The following ADGRL2 variants were observed in gnomAD, a reference collection of about 807,000 sequenced individuals.
The protein encoded by ADGRL2 is calcium-independent alpha-latrotoxin receptor 2.
In ADGRL2, 44 loss-of-function variants were observed where a neutral mutation model predicts 157.4. That is an observed-to-expected ratio of 0.28 (90% CI 0.22 to 0.36). The LOEUF (loss-of-function observed/expected upper bound fraction) is 0.36. ADGRL2 is among the 10% of genes least tolerant of loss of function. The pLI is 1.00. For missense variants in ADGRL2, 1,510 were observed against 1,768.9 expected (o/e 0.85, Z 2.63); for synonymous variants, 585 against 624.7 (o/e 0.94, Z 0.95).
intron 1 of ADGRL2, among the ~76,000 whole-genome samples, chr1:81,400,729 T>G (rs538931511): frequency 4.6e-5 from 7 of 152,076 alleles, no homozygotes; most frequent in Non-Finnish European, 1.0e-4. Context: ...AGCTGTCTTT[T>G]GGGCCCTGGG....
chr1:81,395,383 T>A (rs1163334753), intron 1 of ADGRL2, among the ~76,000 whole-genome samples: 1 of 152,164 alleles, frequency 6.6e-6, no homozygotes, highest in East Asian at 1.9e-4. Context: ...ATGAGATTAT[T>A]TGGGGGTTTG....
intron 2 of ADGRL2, among the ~76,000 whole-genome samples, chr1:81,900,893 T>G (rs756379192): frequency 6.6e-6 from 1 of 151,988 alleles, no homozygotes; most frequent in South Asian, 2.1e-4. Context: ...AGAGGTGATA[T>G]CTAGGAGCCG....
At chr1:81,499,954 G>GA (rs11416538) in intron 2 of ADGRL2, among the ~76,000 whole-genome samples, 38,529 of 151,528 alleles carry the variant, frequency 0.25, 5,481 homozygotes, top group African/African-American at 0.38. Flanking sequence ...ATGCTTTCTT[G>GA]AAAAAAATTA....
At chr1:81,454,543 AACATTTCAG>A (rs1421946122) in intron 2 of ADGRL2, among the ~76,000 whole-genome samples, 1 of 152,198 alleles carries the variant, frequency 6.6e-6, no homozygotes. Flanking sequence ...TTGGTAGCAG[AACATTTCAG>A]ACTTAGCCTT....
chr1:81,328,202 G>A lies in ADGRL2; in HGVS notation c.-302+21693G>A, dbSNP rs918054807. Among the ~76,000 whole-genome samples the A allele has an allele frequency of 2.6e-5, 4 of 152,130 alleles. No homozygotes were observed. In the South Asian group the frequency reaches 8.3e-4, roughly 31 times the overall value. ...CATTTCTTTACAGTAAGCTTCAAAAGGGAAGAATTTCTACCAACTACATAC... is the reference window on the plus strand; with the variant it reads ...CATTTCTTTACAGTAAGCTTCAAAAAGGAAGAATTTCTACCAACTACATAC... On this transcript the variant is annotated intron_variant, in intron 1 of 24. Transcript: ENST00000370721.
chr1:81,330,699 A>G (rs1383063802), intron 1 of ADGRL2, among the ~76,000 whole-genome samples: 2 of 152,168 alleles, frequency 1.3e-5, no homozygotes, highest in Non-Finnish European at 2.9e-5. Context: ...CACCATTACT[A>G]CAAGCTGCCA....
At chr1:81,744,615 T>A (rs1471839384) in intron 1 of ADGRL2, among the ~76,000 whole-genome samples, 2 of 152,126 alleles carry the variant, frequency 1.3e-5, no homozygotes, top group African/African-American at 4.8e-5. Flanking sequence ...CTGAGAAAGA[T>A]CTTAGTGTTC....
At chr1:81,795,338 C>G (rs563501123) in intron 2 of ADGRL2, among the ~76,000 whole-genome samples, 9 of 152,180 alleles carry the variant, frequency 5.9e-5, no homozygotes, top group African/African-American at 2.2e-4. Context: ...CATGATTGTG[C>G]TACTACACTC....
intron 3 of ADGRL2, among the ~76,000 whole-genome samples, chr1:81,651,948 C>T (rs190846152): frequency 6.6e-6 from 1 of 152,168 alleles, no homozygotes; most frequent in Non-Finnish European, 1.5e-5. Flanking sequence ...CTCAATTGAA[C>T]CTCACACCTC....
intron 1 of ADGRL2, among the ~76,000 whole-genome samples, chr1:81,347,577 A>C (rs1170482585): frequency 6.6e-6 from 1 of 152,198 alleles, no homozygotes; most frequent in Non-Finnish European, 1.5e-5. Context: ...TTCTAAGCAA[A>C]GTATGGAGGA....
At chr1:81,575,955 A>G (rs2080790277) in intron 2 of ADGRL2, among the ~76,000 whole-genome samples, 1 of 152,174 alleles carries the variant, frequency 6.6e-6, no homozygotes, top group Admixed American at 6.6e-5. Flanking sequence ...GCAACACATT[A>G]TCCATTTTGT....
chr1:81,827,075 G>A (rs964379152), intron 1 of ADGRL2, among the ~76,000 whole-genome samples: 2 of 152,114 alleles, frequency 1.3e-5, no homozygotes, highest in African/African-American at 4.8e-5. Flanking sequence ...TTTCATTGAG[G>A]GGAGTCCGCA....
intron 1 of ADGRL2, among the ~76,000 whole-genome samples, chr1:81,315,387 C>CT (rs1239833149): frequency 6.6e-6 from 1 of 152,044 alleles, no homozygotes; most frequent in Non-Finnish European, 1.5e-5. Flanking sequence ...TTGTTTTACT[C>CT]TATGTAGCAG....
chr1:81,388,699 C>T (rs777957790), intron 1 of ADGRL2, among the ~76,000 whole-genome samples: 2 of 152,140 alleles, frequency 1.3e-5, no homozygotes, highest in Non-Finnish European at 2.9e-5. Context: ...GCCCTCACAT[C>T]GGATCTGCGG....
At chr1:81,488,002 T>A (rs900048140) in intron 2 of ADGRL2, among the ~76,000 whole-genome samples, 1 of 152,180 alleles carries the variant, frequency 6.6e-6, no homozygotes, top group African/African-American at 2.4e-5. Flanking sequence ...CACGACTACT[T>A]CTAGTCACAA....
intron 2 of ADGRL2, among the ~76,000 whole-genome samples, chr1:81,496,999 T>C (rs1244278795): frequency 6.6e-6 from 1 of 152,180 alleles, no homozygotes; most frequent in East Asian, 1.9e-4. Context: ...CCTGAAATGA[T>C]CTTTCCTCAC....
chr1:81,592,354 T>A (rs1052366223), intron 3 of ADGRL2, among the ~76,000 whole-genome samples: 1 of 152,228 alleles, frequency 6.6e-6, no homozygotes, highest in Non-Finnish European at 1.5e-5. Context: ...TGTGTTCCGA[T>A]AAAATGTTAT....
rs555230680 is a variant in ADGRL2 at position 81,440,168 on chromosome 1, G to A, written c.-301-4868G>A. Among the ~76,000 whole-genome samples, 8 of 152,322 alleles carry A rather than the reference G, an allele frequency of 5.3e-5. No individual in the cohort carries two copies. In the East Asian group the frequency reaches 1.5e-3, roughly 29 times the overall value. On this transcript the variant is annotated intron_variant, in intron 1 of 24. Transcript: ENST00000370721. ...AAGGGTGAGGATCAATCAGAGGAAA[G>A]CACACCAAACAGGAAGACAAGTTCT...
intron 1 of ADGRL2, among the ~76,000 whole-genome samples, chr1:81,407,827 G>C (rs1419014426): frequency 1.3e-5 from 2 of 152,206 alleles, no homozygotes; most frequent in East Asian, 3.9e-4. Context: ...GGAGGAGCCA[G>C]AGGGTTGAAG....
Sources: gnomAD v4.1 joint callset for allele counts (sites outside exome capture counted in the v4.1 genomes callset) on GRCh38, gnomAD v4.1.1 for gene constraint, MANE v1.5 for transcripts, NCBI Gene and HGNC (gene_info 2026-07-23, HGNC 2026-07-21) for gene names.